TMC8: variants seen among roughly 807,000 people sequenced by gnomAD.
The protein encoded by TMC8 is transmembrane channel-like protein 8.
TMC8 carries 71 observed loss-of-function variants against 76.0 expected under a neutral mutation model. The ratio of observed to expected loss-of-function variants is 0.93; its 90% confidence interval spans 0.77 to 1.14. TMC8 has a LOEUF of 1.14. TMC8 is among the 50% of genes most tolerant of loss of function. TMC8 has a pLI of 0.00. For missense variants in TMC8, 924 were observed against 947.9 expected (o/e 0.97, Z 0.33); for synonymous variants, 433 against 433.8 (o/e 1.00, Z 0.02).
Position 78,134,475 on chromosome 17 carries a change from C to T in TMC8, c.898C>T (p.Leu300=). 6.2e-7 allele frequency: 1 copy of T among 1,614,056 alleles called. No homozygotes were observed. The highest frequency in any genetic ancestry group is 1.1e-5 in the South Asian group (1 of 91,084). The change falls in exon 8 of 16, where the codon CTG becomes TTG. Residue 300 remains leucine, a synonymous_variant. Transcript: ENST00000318430. ...AQTACRLLSY[L]RVNVLNGLLV... is the part of the protein sequence containing the mutation. ...GACGGCCTGCCGCCTGCTCTCCTAC[C>T]TGCGGGTCAACGTACTCAACGGGCT...
intron 2 of TMC8, 26 bp from the exon 3 acceptor site, chr17:78,131,856 G>A (rs1475332326): frequency 6.8e-7 from 1 of 1,467,686 alleles, no homozygotes; most frequent in South Asian, 1.4e-5. Context: ...TGACTCAGGG[G>A]CGCCCCTGTC....
rs1015069094 is a variant in TMC8 at position 78,132,518 on chromosome 17, A to C, written c.448+10A>C. ...CCCACCCTGAACTTGAGTGAGTGTG[A>C]GGCCCACCAGGGGAAGTGCTCCGGT... On this transcript the variant is annotated intron_variant, in intron 4 of 15. Transcript: ENST00000318430. 5 of 1,605,906 alleles carry C rather than the reference A, an allele frequency of 3.1e-6. No individual in the cohort carries two copies. In the African/African-American group the frequency reaches 5.3e-5, roughly 17 times the overall value.
rs908258794 is a variant in TMC8, at chr17:78,141,056, C to T, written c.2125C>T (p.His709Tyr). The change falls in exon 16 of 16, where the codon CAC becomes TAC. Residue 709 changes from histidine (H) to tyrosine (Y), a missense_variant. Physicochemically the swap from His to Tyr is moderately conservative, Grantham distance 83. Transcript: ENST00000318430. The part of the protein sequence containing the change: ...AGLRSPCPGQ[H>Y]GAPASARRFR... ...ACTGCGTTCCCCTTGCCCTGGACAGCACGGTGCCCCGGCCTCCGCCCGCAG... is the reference window on the plus strand; with the variant it reads ...ACTGCGTTCCCCTTGCCCTGGACAGTACGGTGCCCCGGCCTCCGCCCGCAG... 37 of 1,597,912 alleles carry T rather than the reference C, an allele frequency of 2.3e-5. No individual in the cohort carries two copies. Among genetic ancestry groups the T allele is most frequent in the Non-Finnish European group, 3.2e-5 (37 of 1,173,948 alleles).
intron 7 of TMC8, 40 bp downstream of exon 7, chr17:78,134,040 G>A (rs1301888687): frequency 2.5e-6 from 4 of 1,613,216 alleles, no homozygotes; most frequent in Non-Finnish European, 3.4e-6. Context: ...ACAAGCTCCA[G>A]GTATATGGGA....
chr17:78,132,657 G>C (rs2075052590), intron 4 of TMC8, 131 bp from the exon 5 acceptor site: 1 of 1,493,578 alleles, frequency 6.7e-7, no homozygotes, highest in African/African-American at 1.4e-5. Flanking sequence ...GCCTTGTGTG[G>C]GGCACGCCTT....
chr17:78,140,800 G>C (rs982516227), intron 15 of TMC8, 34 bp from the exon 16 acceptor site: 9 of 1,584,278 alleles, frequency 5.7e-6, no homozygotes, highest in Non-Finnish European at 7.7e-6. Flanking sequence ...GGGAAGCAGC[G>C]CCTGTCGCAA....
intron 4 of TMC8, 75 bp from the exon 5 acceptor site, chr17:78,132,713 T>G (rs2075056604): frequency 6.4e-7 from 1 of 1,561,802 alleles, no homozygotes; most frequent in African/African-American, 1.4e-5. Flanking sequence ...GGGTTGGGGG[T>G]TATAGAGCAG....
At chr17:78,135,404 C>T (rs1373108004) in intron 9 of TMC8, among the ~76,000 whole-genome samples, 1 of 152,178 alleles carries the variant, frequency 6.6e-6, no homozygotes, top group African/African-American at 2.4e-5. Flanking sequence ...CATCCTCATC[C>T]CCCTTGAGGG....
In TMC8 at chr17:78,133,431, AC is replaced by A; in HGVS notation, c.558del (p.Tyr186Ter). On this transcript the variant is annotated frameshift_variant, in exon 6 of 16. Transcript: ENST00000318430. LOFTEE classifies it high-confidence loss of function. ...GCCTTCACCAACACCTATCTCTTCTACGGTGCGTACCGAGTGGGGCCGGAGA... is the reference window on the plus strand; with the variant it reads ...GCCTTCACCAACACCTATCTCTTCTAGGTGCGTACCGAGTGGGGCCGGAGA... ...GRAFTNTYLF[Y>X]GAYRVGPESS... is the part of the protein sequence containing the mutation. The A allele has an allele frequency of 6.2e-7, 1 of 1,613,760 alleles. No individual in the cohort carries two copies. The highest frequency in any genetic ancestry group is 8.5e-7 in the Non-Finnish European group (1 of 1,180,028).
chr17:78,131,837 C>A, intron 2 of TMC8, 45 bp from the exon 3 acceptor site: 1 of 1,483,498 alleles, frequency 6.7e-7, no homozygotes, highest in Non-Finnish European at 8.9e-7. Context: ...CCCGGGTGGG[C>A]AGGGCGGGTG....
chr17:78,131,982 C>T lies in TMC8; in HGVS notation c.250C>T (p.Leu84=). ...GCGCCTGCGGGAGGCAGCGCAGCGG[C>T]TGGCCCGGGGCCTTGGGCTCTGGGA... is the stretch of plus-strand genomic sequence containing the variant. The part of the protein sequence containing the change: ...ERRLREAAQR[L]ARGLGLWEGA... Residue 84 remains leucine (L), a synonymous_variant, in exon 3 of 16, where the codon CTG becomes TTG. Coordinates refer to ENST00000318430, the MANE Select transcript of TMC8 (RefSeq NM_152468.5). 6.6e-7 allele frequency: 1 copy of T among 1,522,664 alleles called. No individual in the cohort carries two copies. Among genetic ancestry groups the T allele is most frequent in the Non-Finnish European group, 8.8e-7 (1 of 1,141,112 alleles). The allele number at this position is 1,522,664 out of a possible 1,614,324, so 94.3% of individuals were successfully genotyped here.
chr17:78,139,092 A>G (rs759600055), intron 14 of TMC8, 70 bp from the exon 15 acceptor site: 2 of 1,597,332 alleles, frequency 1.3e-6, no homozygotes, highest in Non-Finnish European at 8.6e-7. Flanking sequence ...TGAGGTGGGG[A>G]GAGAGGAAGT....
chr17:78,140,570 G>A (rs2075348755), intron 15 of TMC8, among the ~76,000 whole-genome samples: 1 of 151,792 alleles, frequency 6.6e-6, no homozygotes, highest in African/African-American at 2.4e-5. Context: ...TCTCGGGCGG[G>A]GACGTGGAAG....
chr17:78,140,360 G>GAATTAC (rs2075341984), intron 15 of TMC8, among the ~76,000 whole-genome samples: 1 of 152,198 alleles, frequency 6.6e-6, no homozygotes, highest in African/African-American at 2.4e-5. Context: ...TTAGGCTTGG[G>GAATTAC]GCCAGGGGCT....
chr17:78,132,687 TGCC>T lies in TMC8; in HGVS notation c.449-100_449-98del, dbSNP rs2075054041. The T allele has an allele frequency of 3.3e-6, 5 of 1,514,936 alleles. No individual in the cohort carries two copies. In the African/African-American group the frequency reaches 6.9e-5, roughly 21 times the overall value. The allele number at this position is 1,514,936 out of a possible 1,614,324, so 93.8% of individuals were successfully genotyped here. A position where few individuals can be genotyped will look rare whatever the true frequency, so the allele number is the denominator to read the frequency against. ...CGCCTTTGGCACATCCTCAGCCCCC[TGCC>T]CAGGCCTCCCCAGGGTTGGGGGTTA... On this transcript the variant is annotated intron_variant, in intron 4 of 15. Transcript: ENST00000318430.
Position 78,132,401 on chromosome 17 carries a change from G to A in TMC8, c.341G>A (p.Arg114His), listed in dbSNP as rs778033380. 5.6e-6 allele frequency: 9 copies of A among 1,612,838 alleles called. No homozygotes were observed. The highest frequency in any genetic ancestry group is 1.1e-5 in the South Asian group (1 of 90,910). ...ATTCGGTCCTACTTCACCTTCCTCC[G>A]CTTCCTGCTGCTACTCAACCTGCTG... ...TGIRSYFTFL[R>H]FLLLLNLLSL... Residue 114 changes from arginine to histidine, a missense_variant, in exon 4 of 16, where the codon CGC (arginine) becomes CAC (histidine). Coordinates refer to ENST00000318430, the MANE Select transcript of TMC8 (RefSeq NM_152468.5).
rs1358039454 is a variant in TMC8 at position 78,133,333 on chromosome 17, A to G, written c.532-73A>G. 1.1e-5 allele frequency: 17 copies of G among 1,610,680 alleles called. No homozygotes were observed. In the East Asian group the frequency reaches 1.8e-4, roughly 17 times the overall value. On this transcript the variant is annotated intron_variant, in intron 5 of 15. Transcript: ENST00000318430. ...TGGGGGGATTGCACGGGGGCTAACA[A>G]GATCATATATGGAAAGCACTTGAGC...
chr17:78,138,962 T>C, intron 14 of TMC8, 200 bp from the exon 15 acceptor site: 5 of 1,538,578 alleles, frequency 3.2e-6, no homozygotes, highest in Non-Finnish European at 4.4e-6. Flanking sequence ...TGCTGAGCTA[T>C]TGGTATTGCT....
At chr17:78,139,003 C>CGAGGAAG (rs1567806069) in intron 14 of TMC8, 159 bp from the exon 15 acceptor site, 1 of 1,559,490 alleles carries the variant, frequency 6.4e-7, no homozygotes, top group African/African-American at 1.4e-5. Flanking sequence ...AGGGGCTCTG[C>CGAGGAAG]GAGGAAGGAG....
Sources: gnomAD v4.1 joint callset for allele counts (sites outside exome capture counted in the v4.1 genomes callset) on GRCh38, gnomAD v4.1.1 for gene constraint, MANE v1.5 for transcripts, NCBI Gene and HGNC (gene_info 2026-07-23, HGNC 2026-07-21) for gene names.